The following PTPRD variants were observed in gnomAD, a reference collection of about 807,000 sequenced individuals.
PTPRD encodes the protein receptor-type tyrosine-protein phosphatase delta.
A neutral mutation model predicts 214.5 loss-of-function variants in PTPRD; 34 were observed. The ratio of observed to expected loss-of-function variants is 0.16; its 90% CI spans 0.12 to 0.21. PTPRD has a LOEUF of 0.21. Among genes scored for constraint, PTPRD ranks in the 10% least tolerant of loss-of-function variants. The probability of loss-of-function intolerance (pLI) is 1.00; values close to 1 mark genes in which losing one functional copy is unlikely to be tolerated. For missense variants in PTPRD, 2,545 were observed against 2,398.7 expected (o/e 1.06, Z -1.27); for synonymous variants, 1,128 against 845.7 (o/e 1.33, Z -5.79).
chr9:9,380,332 G>C lies in PTPRD; in HGVS notation c.-203+17117C>G, dbSNP rs1168733293. Among the ~76,000 whole-genome samples, 3 of 151,992 alleles carry C rather than the reference G, an allele frequency of 2.0e-5. No homozygotes were observed. In the East Asian group the frequency reaches 5.8e-4, roughly 29 times the overall value. ...TTGAGATTTCTTCTTTGACCTGTGT[G>C]TTATTTAGAAGAATGCAATTTATTA... is the stretch of plus-strand genomic sequence containing the variant. On this transcript the variant is annotated intron_variant, in intron 9 of 45. Coordinates refer to ENST00000381196, the MANE Select transcript of PTPRD (RefSeq NM_002839.4).
At chr9:10,569,398 T>C (rs1220256672) in intron 2 of PTPRD, among the ~76,000 whole-genome samples, 2 of 152,140 alleles carry the variant, frequency 1.3e-5, no homozygotes, top group Non-Finnish European at 2.9e-5. Context: ...CTCCCTTTCA[T>C]GACCTGGTTT....
chr9:9,943,040 T>C (rs16930650), intron 4 of PTPRD, among the ~76,000 whole-genome samples: 7,265 of 152,198 alleles, frequency 0.048, 315 homozygotes, highest in East Asian at 0.23. Flanking sequence ...GGGCAAAAGC[T>C]GATAGTGGAT....
intron 5 of PTPRD, among the ~76,000 whole-genome samples, chr9:9,872,302 T>A (rs376189855): frequency 1.8e-4 from 27 of 152,256 alleles, no homozygotes; most frequent in East Asian, 1.7e-3. Context: ...GCCCTCACAG[T>A]CCCTCAATTT....
chr9:9,605,023 A>T (rs973452325), intron 7 of PTPRD, among the ~76,000 whole-genome samples: 5 of 152,020 alleles, frequency 3.3e-5, no homozygotes, highest in Admixed American at 1.3e-4. Flanking sequence ...ATAAACTCAG[A>T]TTGTTGCCTT....
chr9:8,770,016 C>G (rs2095076979), intron 11 of PTPRD, among the ~76,000 whole-genome samples: 2 of 152,156 alleles, frequency 1.3e-5, no homozygotes, highest in African/African-American at 4.8e-5. Flanking sequence ...CACGGTGGCT[C>G]ATGCCTGTAA....
At chr9:9,896,402 G>C (rs950893791) in intron 5 of PTPRD, among the ~76,000 whole-genome samples, 1 of 151,896 alleles carries the variant, frequency 6.6e-6, no homozygotes, top group Non-Finnish European at 1.5e-5. Context: ...ATCTTCACTA[G>C]TGCAAGGTTT....
chr9:9,041,253 T>C (rs2099638790), intron 10 of PTPRD, among the ~76,000 whole-genome samples: 1 of 152,022 alleles, frequency 6.6e-6, no homozygotes, highest in Admixed American at 6.6e-5. Context: ...CAGGTGCGGG[T>C]TTGTTATGCA....
At chr9:9,942,786 C>G (rs1441883314) in intron 4 of PTPRD, among the ~76,000 whole-genome samples, 2 of 151,876 alleles carry the variant, frequency 1.3e-5, no homozygotes, top group African/African-American at 2.4e-5. Context: ...TTGTTAATAG[C>G]TTTGCCATTT....
At chr9:9,689,889 G>C (rs1430295910) in intron 7 of PTPRD, among the ~76,000 whole-genome samples, 1 of 151,738 alleles carries the variant, frequency 6.6e-6, no homozygotes, top group African/African-American at 2.4e-5. Flanking sequence ...TCCATTACTA[G>C]GCACTTAATT....
At chr9:8,725,319 T>C (rs886477964) in intron 12 of PTPRD, among the ~76,000 whole-genome samples, 1 of 152,060 alleles carries the variant, frequency 6.6e-6, no homozygotes, top group Non-Finnish European at 1.5e-5. Flanking sequence ...GCCACTAGAG[T>C]TTAAGCTTTT....
At chr9:10,205,200 G>C (rs902356570) in intron 3 of PTPRD, among the ~76,000 whole-genome samples, 1 of 151,464 alleles carries the variant, frequency 6.6e-6, no homozygotes, top group Non-Finnish European at 1.5e-5. Flanking sequence ...CTTTCTTGTA[G>C]GATTTATCTT....
intron 2 of PTPRD, among the ~76,000 whole-genome samples, chr9:10,483,685 C>T (rs2099114745): frequency 6.6e-6 from 1 of 152,022 alleles, no homozygotes; most frequent in African/African-American, 2.4e-5. Context: ...CACTCAATGT[C>T]ACTAATCATC....
intron 11 of PTPRD, among the ~76,000 whole-genome samples, chr9:8,842,015 A>G (rs893893501): frequency 2.0e-5 from 3 of 151,826 alleles, no homozygotes; most frequent in African/African-American, 7.3e-5. Context: ...AGTCTCAAAA[A>G]AAAAAAATCC....
intron 31 of PTPRD, 64 bp downstream of exon 31, chr9:8,470,931 G>C: frequency 3.3e-6 from 3 of 905,062 alleles, no homozygotes; most frequent in African/African-American, 2.7e-5. Context: ...CTCCAAGGGA[G>C]GGGGGCGGAA....
intron 3 of PTPRD, among the ~76,000 whole-genome samples, chr9:10,080,439 C>G (rs1206898356): frequency 1.3e-5 from 2 of 152,038 alleles, no homozygotes; most frequent in African/African-American, 4.8e-5. Flanking sequence ...GTAATCCAAT[C>G]ATGACACAAG....
intron 4 of PTPRD, among the ~76,000 whole-genome samples, chr9:9,938,929 A>G (rs1356094585): frequency 6.6e-6 from 1 of 152,108 alleles, no homozygotes; most frequent in Non-Finnish European, 1.5e-5. Context: ...TTTTCCATAT[A>G]GTGTCCTTGG....
At chr9:9,124,491 C>A (rs531290875) in intron 10 of PTPRD, among the ~76,000 whole-genome samples, 1 of 152,146 alleles carries the variant, frequency 6.6e-6, no homozygotes, top group South Asian at 2.1e-4. Flanking sequence ...GAAGAAATGA[C>A]AAAATGGCCA....
At chr9:8,775,766 T>C (rs911907131) in intron 11 of PTPRD, among the ~76,000 whole-genome samples, 1 of 151,948 alleles carries the variant, frequency 6.6e-6, no homozygotes, top group Admixed American at 6.6e-5. Flanking sequence ...GGAGGATTAC[T>C]TGAGCTCAGG....
intron 39 of PTPRD, among the ~76,000 whole-genome samples, chr9:8,364,564 G>C (rs527312015): frequency 6.6e-6 from 1 of 152,188 alleles, no homozygotes; most frequent in Non-Finnish European, 1.5e-5. Flanking sequence ...CAACGGGAGC[G>C]GCAGATACAC....
Sources: allele counts gnomAD v4.1 joint callset (sites outside exome capture counted in the v4.1 genomes callset), GRCh38; gene constraint gnomAD v4.1.1; transcripts MANE v1.5; gene names NCBI Gene and HGNC (gene_info 2026-07-23, HGNC 2026-07-21).